MME: variants seen among roughly 807,000 people sequenced by gnomAD.
The protein encoded by MME is neprilysin.
In MME, 98 loss-of-function variants were observed where a neutral mutation model predicts 113.2. The observed-to-expected ratio is 0.87, with a 90% CI of 0.74 to 1.02. MME has a LOEUF of 1.02. MME is among the 50% of genes least tolerant of loss of function. MME has a pLI of 0.00. For synonymous variants in MME, 292 were observed against 300.6 expected (o/e 0.97, Z 0.30); for missense variants, 836 against 896.0 (o/e 0.93, Z 0.86).
rs562141616 is a variant in MME, at chr3:155,062,886, A to C, written c.-10-21272A>C. 1.2e-3 allele frequency among the ~76,000 whole-genome samples: 184 copies of C among 151,446 alleles called. 1 individual carries two copies. Among genetic ancestry groups the C allele is most frequent in the Non-Finnish European group, 1.8e-3 (125 of 67,864 alleles). ...CCCTGTCTCTACTAAAAATACAAAAATTAGCTGGGCATGGTGGCACATGCC... is the reference window on the plus strand; with the variant it reads ...CCCTGTCTCTACTAAAAATACAAAACTTAGCTGGGCATGGTGGCACATGCC... On this transcript the variant is annotated intron_variant, in intron 1 of 22. Transcript: ENST00000492661.
At chr3:155,165,188 GT>G (rs1311481813) in intron 17 of MME, among the ~76,000 whole-genome samples, 1 of 152,004 alleles carries the variant, frequency 6.6e-6, no homozygotes, top group Non-Finnish European at 1.5e-5. Context: ...GGATGCTAGA[GT>G]TTTAAGCCAT....
intron 1 of MME, among the ~76,000 whole-genome samples, chr3:155,027,685 T>C (rs866696997): frequency 6.6e-6 from 1 of 152,216 alleles, no homozygotes; most frequent in South Asian, 2.1e-4. Flanking sequence ...TAGGCTTAGA[T>C]AGAATTTTAG....
At chr3:155,071,538 C>A (rs1020642126) in intron 1 of MME, among the ~76,000 whole-genome samples, 22 of 152,300 alleles carry the variant, frequency 1.4e-4, no homozygotes, top group African/African-American at 4.3e-4. Flanking sequence ...CCCATCATCA[C>A]AATTAATTAT....
chr3:155,073,451 A>G (rs1271528183), intron 1 of MME, among the ~76,000 whole-genome samples: 2 of 152,222 alleles, frequency 1.3e-5, no homozygotes, highest in African/African-American at 2.4e-5. Flanking sequence ...CAGTGCATGA[A>G]GTCTACTAAG....
intron 3 of MME, among the ~76,000 whole-genome samples, chr3:155,091,288 C>CATAT (rs1716273261): frequency 1.3e-5 from 2 of 152,164 alleles, no homozygotes; most frequent in South Asian, 4.1e-4. Flanking sequence ...CAGATCCTTT[C>CATAT]CAAGAAAGGG....
intron 1 of MME, among the ~76,000 whole-genome samples, chr3:155,044,125 C>CTTTT (rs5853709): frequency 8.9e-4 from 79 of 89,178 alleles, no homozygotes; most frequent in Middle Eastern, 0.011. Context: ...CTTCCTTTTT[C>CTTTT]TTTTTTTTTT....
chr3:155,079,345 G>T (rs575183945), upstream of MME, among the ~76,000 whole-genome samples: 1 of 152,100 alleles, frequency 6.6e-6, no homozygotes, highest in Non-Finnish European at 1.5e-5. Context: ...GTCCACAGGG[G>T]AGAGATGGAG....
chr3:155,172,437 A>C (rs1712082364), intron 21 of MME, 99 bp from the exon 22 acceptor site: 4 of 996,580 alleles, frequency 4.0e-6, no homozygotes, highest in Non-Finnish European at 6.5e-6. Context: ...GGAATGCAGA[A>C]TTCCAATTTA....
Position 155,085,081 on chromosome 3 carries a change from C to T in MME, c.183C>T (p.Asp61=), listed in dbSNP as rs1379581900. The change falls in exon 3 of 23, where the codon GAC becomes GAT. Residue 61 remains aspartate, a synonymous_variant. Coordinates refer to ENST00000360490, the MANE Select transcript of MME (RefSeq NM_007289.4). The stretch of plus-strand genomic sequence containing the variant: ...TAGATGGTATTTGCAAGTCATCAGA[C>T]TGCATAAAATCAGGTAAGAAATGGT... ...TYDDGICKSS[D]CIKSAARLIQ... 2 of 1,586,418 alleles carry T rather than the reference C, an allele frequency of 1.3e-6. No homozygotes were observed. The highest frequency in any genetic ancestry group is 1.7e-6 in the Non-Finnish European group (2 of 1,158,942).
chr3:155,063,587 T>C (rs1714259340), intron 1 of MME, among the ~76,000 whole-genome samples: 1 of 89,288 alleles, frequency 1.1e-5, no homozygotes, highest in Non-Finnish European at 2.4e-5. Flanking sequence ...TTAATATATA[T>C]AATAAATATA....
At chr3:155,055,618 A>G (rs1347995778) in intron 1 of MME, among the ~76,000 whole-genome samples, 2 of 152,096 alleles carry the variant, frequency 1.3e-5, no homozygotes, top group East Asian at 3.9e-4. Context: ...AAACTTTTAT[A>G]TAATTCCACC....
chr3:155,075,629 A>G (rs996265924), upstream of MME, among the ~76,000 whole-genome samples: 1 of 152,198 alleles, frequency 6.6e-6, no homozygotes, highest in Non-Finnish European at 1.5e-5. Context: ...TTAACCTAAT[A>G]AAGTCTAAAG....
At chr3:155,097,693 T>C (rs1716856782) in intron 3 of MME, among the ~76,000 whole-genome samples, 1 of 152,180 alleles carries the variant, frequency 6.6e-6, no homozygotes, top group African/African-American at 2.4e-5. Flanking sequence ...AATGCAAACA[T>C]GTTTGGAAGC....
chr3:155,104,161 A>T (rs1260992873), intron 3 of MME, among the ~76,000 whole-genome samples: 1 of 152,176 alleles, frequency 6.6e-6, no homozygotes, highest in Non-Finnish European at 1.5e-5. Flanking sequence ...TCTGTTTATC[A>T]CACCATGGTA....
At chr3:155,039,917 A>C (rs1233912954) in intron 1 of MME, among the ~76,000 whole-genome samples, 1 of 152,006 alleles carries the variant, frequency 6.6e-6, no homozygotes, top group Non-Finnish European at 1.5e-5. Context: ...TGATTAATAT[A>C]ATTTTGAAAT....
intron 1 of MME, chr3:155,083,847 T>C (rs1312277692): frequency 6.0e-6 from 2 of 331,324 alleles, no homozygotes; most frequent in Admixed American, 8.9e-5. Context: ...TATAAACTGC[T>C]GAATTAATCC....
chr3:155,070,521 A>ATT (rs1179763750), intron 1 of MME, among the ~76,000 whole-genome samples: 3 of 152,192 alleles, frequency 2.0e-5, no homozygotes, highest in Non-Finnish European at 2.9e-5. Flanking sequence ...TGACCAGCTG[A>ATT]TGAAAAGGAT....
intron 1 of MME, among the ~76,000 whole-genome samples, chr3:155,041,850 T>C (rs942757431): frequency 2.0e-5 from 3 of 152,160 alleles, no homozygotes; most frequent in African/African-American, 7.2e-5. Context: ...ACCCAAGATC[T>C]GTATATGAAC....
chr3:155,158,210 C>T (rs1254768768), intron 16 of MME, among the ~76,000 whole-genome samples: 1 of 151,936 alleles, frequency 6.6e-6, no homozygotes. Flanking sequence ...TAGTCCAGAG[C>T]CAAAAAATAT....
Sources: gnomAD v4.1 joint callset for allele counts (sites outside exome capture counted in the v4.1 genomes callset) on GRCh38, gnomAD v4.1.1 for gene constraint, MANE v1.5 for transcripts, NCBI Gene and HGNC (gene_info 2026-07-23, HGNC 2026-07-21) for gene names.